Variants in CMSS1 observed in about 807,000 individuals in gnomAD.
The protein encoded by CMSS1 is protein CMSS1.
A neutral mutation model predicts 43.5 loss-of-function variants in CMSS1; 33 were observed. The ratio of observed to expected loss-of-function variants is 0.76; its 90% CI spans 0.57 to 1.01. The LOEUF (loss-of-function observed/expected upper bound fraction) is 1.01, where lower values mean the gene tolerates loss of function less well. Ranked by LOEUF, CMSS1 falls within the 50% of genes least tolerant of loss-of-function variation. The probability of loss-of-function intolerance (pLI) is 0.00; values close to 1 mark genes in which losing one functional copy is unlikely to be tolerated. For missense variants in CMSS1, 313 were observed against 326.4 expected, an observed-to-expected ratio of 0.96 and a Z score of 0.32; for synonymous variants, 115 against 117.2, an observed-to-expected ratio of 0.98 and a Z score of 0.12.
At chr3:99,851,128 G>A in intron 1 of CMSS1, 2 of 1,317,618 alleles carry the variant, frequency 1.5e-6, no homozygotes, top group South Asian at 2.9e-5. Flanking sequence ...CTCATCGAAT[G>A]TACTTAAATA....
At chr3:100,072,973 G>A (rs1201161508) in intron 1 of CMSS1, among the ~76,000 whole-genome samples, 1 of 152,178 alleles carries the variant, frequency 6.6e-6, no homozygotes, top group Non-Finnish European at 1.5e-5. Context: ...TATGTTTGAA[G>A]AGCACTTTTT....
chr3:99,973,923 T>C (rs558485115), intron 1 of CMSS1, among the ~76,000 whole-genome samples: 2 of 152,234 alleles, frequency 1.3e-5, no homozygotes, highest in Non-Finnish European at 2.9e-5. Context: ...TTTTCAAAGA[T>C]CTTGCATTGT....
At chr3:99,856,972 T>C (rs1170034313) in intron 1 of CMSS1, among the ~76,000 whole-genome samples, 1 of 152,212 alleles carries the variant, frequency 6.6e-6, no homozygotes, top group Non-Finnish European at 1.5e-5. Context: ...TTTTTGTACA[T>C]TACAGTCAAC....
intron 1 of CMSS1, chr3:99,925,787 C>G (rs1279948547): frequency 1.1e-6 from 1 of 913,202 alleles, no homozygotes; most frequent in Admixed American, 6.2e-5. Flanking sequence ...AAGGAAGAAC[C>G]AGGCAGTAAA....
At chr3:100,130,535 G>T (rs2066698060) in intron 1 of CMSS1, among the ~76,000 whole-genome samples, 1 of 152,170 alleles carries the variant, frequency 6.6e-6, no homozygotes. Context: ...ATTGCCCTAA[G>T]GGGGACCACA....
intron 1 of CMSS1, among the ~76,000 whole-genome samples, chr3:99,993,736 C>G (rs1355016743): frequency 1.3e-5 from 2 of 152,008 alleles, no homozygotes; most frequent in Non-Finnish European, 2.9e-5. Flanking sequence ...TGAGATAATA[C>G]AGTTTTTGTC....
At chr3:100,178,283 T>C (rs377401939) in intron 9 of CMSS1, 22 bp from the exon 10 acceptor site, 34 of 1,516,484 alleles carry the variant, frequency 2.2e-5, no homozygotes, top group Middle Eastern at 1.7e-4. Context: ...AATCTTTTTT[T>C]CCCCCCTTTT....
At chr3:99,861,537 C>T (rs1231309767) in intron 1 of CMSS1, among the ~76,000 whole-genome samples, 1 of 152,152 alleles carries the variant, frequency 6.6e-6, no homozygotes, top group Non-Finnish European at 1.5e-5. Flanking sequence ...ATTCCTTCCT[C>T]CCACTCTCTG....
At chr3:100,040,232 A>G (rs1039074178) in intron 1 of CMSS1, 1 of 152,212 alleles carries the variant, frequency 6.6e-6, no homozygotes, top group African/African-American at 2.4e-5. Flanking sequence ...CATAAGATTA[A>G]ACAAAGAGTT....
chr3:99,886,379 A>T (rs1443061923), intron 1 of CMSS1, among the ~76,000 whole-genome samples: 1 of 152,092 alleles, frequency 6.6e-6, no homozygotes, highest in Non-Finnish European at 1.5e-5. Context: ...TGTACCATAC[A>T]TAAAATACAC....
intron 1 of CMSS1, among the ~76,000 whole-genome samples, chr3:99,875,782 A>G (rs1366175401): frequency 1.3e-5 from 2 of 152,340 alleles, no homozygotes; most frequent in East Asian, 3.9e-4. Flanking sequence ...CAATATGGGC[A>G]GGATTCAATG....
intron 1 of CMSS1, among the ~76,000 whole-genome samples, chr3:99,937,137 C>T (rs925865913): frequency 6.6e-6 from 1 of 151,824 alleles, no homozygotes; most frequent in African/African-American, 2.4e-5. Context: ...GGAGTTTCAC[C>T]ATGTTGGCCA....
intron 1 of CMSS1, among the ~76,000 whole-genome samples, chr3:100,022,766 G>T (rs2064849518): frequency 6.6e-6 from 1 of 152,130 alleles, no homozygotes. Flanking sequence ...ATTTTCTGCT[G>T]CCCAGTTGTT....
intron 1 of CMSS1, among the ~76,000 whole-genome samples, chr3:99,940,156 T>C (rs551500622): frequency 4.3e-4 from 66 of 152,362 alleles, no homozygotes; most frequent in African/African-American, 1.5e-3. Flanking sequence ...TCAGTGACTC[T>C]TTAAAGATTC....
chr3:100,054,794 G>A (rs761211608), intron 1 of CMSS1, among the ~76,000 whole-genome samples: 11 of 152,202 alleles, frequency 7.2e-5, no homozygotes, highest in South Asian at 4.2e-4. Context: ...TCTGGATCCC[G>A]TAACCTTGCC....
At chr3:100,059,024 T>C (rs1225092648) in intron 1 of CMSS1, among the ~76,000 whole-genome samples, 1 of 152,262 alleles carries the variant, frequency 6.6e-6, no homozygotes, top group Non-Finnish European at 1.5e-5. Context: ...TTTTAGATTT[T>C]GTAGATAGAC....
At chr3:99,938,095 A>C (rs540417186) in intron 1 of CMSS1, among the ~76,000 whole-genome samples, 5 of 152,002 alleles carry the variant, frequency 3.3e-5, no homozygotes, top group East Asian at 3.9e-4. Context: ...GCGCGCGTGC[A>C]TGCACACTCG....
At chr3:99,938,665 A>G (rs1189458860) in intron 1 of CMSS1, among the ~76,000 whole-genome samples, 2 of 152,180 alleles carry the variant, frequency 1.3e-5, no homozygotes, top group African/African-American at 2.4e-5. Flanking sequence ...TTCTCAGCAG[A>G]GCTGGTTGGC....
chr3:99,867,848 G>C (rs1176884310), intron 1 of CMSS1, among the ~76,000 whole-genome samples: 1 of 152,134 alleles, frequency 6.6e-6, no homozygotes, highest in African/African-American at 2.4e-5. Context: ...ATGGGATTCA[G>C]ATTTATTTGA....
Sources: gnomAD v4.1 joint callset for allele counts (sites outside exome capture counted in the v4.1 genomes callset) on GRCh38, gnomAD v4.1.1 for gene constraint, MANE v1.5 for transcripts, NCBI Gene and HGNC (gene_info 2026-07-23, HGNC 2026-07-21) for gene names.